The following MATR3 variants were observed in gnomAD, a reference collection of about 807,000 sequenced individuals.
MATR3 encodes matrin 3, also known as matrin-3.
In MATR3, 4 loss-of-function variants were observed where a neutral mutation model predicts 85.5. The ratio of observed to expected loss-of-function variants is 0.05; its 90% CI spans 0.02 to 0.11. The LOEUF (loss-of-function observed/expected upper bound fraction) is 0.11. Ranked by LOEUF, MATR3 falls within the 10% of genes least tolerant of loss-of-function variation. The pLI is 1.00. For synonymous variants in MATR3, 336 were observed against 343.1 expected (o/e 0.98, Z 0.23); for missense variants, 685 against 1,016.1 (o/e 0.67, Z 4.43).
intron 2 of MATR3, 80 bp downstream of exon 2, chr5:139,308,407 A>C: frequency 6.6e-7 from 1 of 1,517,110 alleles, no homozygotes; most frequent in Non-Finnish European, 9.1e-7. Flanking sequence ...CTAATTCTGT[A>C]GTCTGATGAC....
In MATR3 at chr5:139,330,217, A is replaced by G. The variant is rs1347016491; in HGVS notation, c.*822A>G. On this transcript the variant is annotated 3_prime_UTR_variant, in exon 15 of 15. Coordinates refer to ENST00000394805, the MANE Select transcript of MATR3 (RefSeq NM_018834.6). ...TCAAGATGTAATTTTACATTTCTGC[A>G]TTTTTAAAACAGTTTGGCCATAATC... 2.2e-6 allele frequency: 1 copy of G among 454,356 alleles called. No individual in the cohort carries two copies. The highest frequency in any genetic ancestry group is 4.4e-6 in the Non-Finnish European group (1 of 226,658). The allele number at this position is 454,356 out of a possible 1,614,324, so 28.1% of individuals were successfully genotyped here.
At chr5:139,323,743 A>G (rs1755699096) in intron 12 of MATR3, among the ~76,000 whole-genome samples, 1 of 152,076 alleles carries the variant, frequency 6.6e-6, no homozygotes, top group African/African-American at 2.4e-5. Flanking sequence ...AAAATATGAA[A>G]ATTAGCCGGG....
chr5:139,309,616 GTTTA>G (rs2151964992), intron 2 of MATR3, among the ~76,000 whole-genome samples: 1 of 151,930 alleles, frequency 6.6e-6, no homozygotes, highest in East Asian at 1.9e-4. Flanking sequence ...CTAAATTTAG[GTTTA>G]TTTAAACATT....
intron 2 of MATR3, chr5:139,276,403 A>G (rs976173980): frequency 5.8e-6 from 2 of 346,370 alleles, no homozygotes; most frequent in South Asian, 4.4e-5. Flanking sequence ...GGCCATACAT[A>G]AAATATAGTA....
intron 1 of MATR3, chr5:139,276,072 G>C (rs1487818665): frequency 1.1e-5 from 5 of 456,758 alleles, no homozygotes; most frequent in Admixed American, 9.4e-5. Flanking sequence ...ACTCTGAGCT[G>C]CACACGTGTT....
intron 14 of MATR3, among the ~76,000 whole-genome samples, chr5:139,327,593 G>A (rs1755923580): frequency 6.6e-6 from 1 of 151,782 alleles, no homozygotes; most frequent in Non-Finnish European, 1.5e-5. Flanking sequence ...AGCTAATTTT[G>A]TATTTTTAGT....
intron 13 of MATR3, 47 bp downstream of exon 13, chr5:139,325,709 C>G: frequency 6.6e-7 from 1 of 1,503,894 alleles, no homozygotes; most frequent in Non-Finnish European, 9.3e-7. Flanking sequence ...CTCCTCAAAA[C>G]AAACTCTTAG....
chr5:139,278,656 T>G (rs1753391162), intron 2 of MATR3: 2 of 380,112 alleles, frequency 5.3e-6, no homozygotes, highest in Non-Finnish European at 1.1e-5. Context: ...GTTAAAGGGT[T>G]TGACAACAGG....
intron 7 of MATR3, 23 bp downstream of exon 7, chr5:139,317,744 TATTC>T: frequency 1.3e-6 from 2 of 1,520,820 alleles, no homozygotes; most frequent in Non-Finnish European, 1.8e-6. Context: ...ATATTGGTAT[TATTC>T]ATTTATTCAT....
chr5:139,331,259 C>G lies in MATR3; in HGVS notation c.*1864C>G, dbSNP rs1343868666. On this transcript the variant is annotated 3_prime_UTR_variant, in exon 15 of 15. Coordinates refer to ENST00000394805, the MANE Select transcript of MATR3 (RefSeq NM_018834.6). The stretch of plus-strand genomic sequence containing the variant: ...TTTTAATGTGACATGCACAAAAAAT[C>G]CTTGCCAGTTTACTTCTGCAATTTA... The G allele has an allele frequency of 2.2e-6, 1 of 454,090 alleles. No homozygotes were observed. Among genetic ancestry groups the G allele is most frequent in the South Asian group, 1.6e-5 (1 of 64,476 alleles). 28.1% of individuals were successfully genotyped at this position (454,090 alleles called of 1,614,324 possible).
Position 139,330,799 on chromosome 5 carries a change from A to T in MATR3, c.*1404A>T, listed in dbSNP as rs780629465. The stretch of plus-strand genomic sequence containing the variant: ...TATATTGGATTATCTGTTGTAAACA[A>T]TTTTTTTTTCTTCCCTGACACAGGG... On this transcript the variant is annotated 3_prime_UTR_variant, in exon 15 of 15. Transcript: ENST00000394805. 8.8e-6 allele frequency: 4 copies of T among 453,258 alleles called. No individual in the cohort carries two copies. The East Asian group carries it at 2.1e-4, about 24-fold the overall frequency. The allele number at this position is 453,258 out of a possible 1,614,324, so 28.1% of individuals were successfully genotyped here. A position where few individuals can be genotyped will look rare whatever the true frequency, so the allele number is the denominator to read the frequency against.
chr5:139,324,455 T>C (rs935670776), intron 12 of MATR3, among the ~76,000 whole-genome samples: 2 of 152,032 alleles, frequency 1.3e-5, no homozygotes, highest in Non-Finnish European at 2.9e-5. Flanking sequence ...CACACGAGGC[T>C]AATTCTTGTA....
At chr5:139,277,136 ATTTT>A (rs397966801) in intron 2 of MATR3, among the ~76,000 whole-genome samples, 14 of 145,932 alleles carry the variant, frequency 9.6e-5, no homozygotes, top group Non-Finnish European at 1.8e-4. Flanking sequence ...CAACCAGATA[ATTTT>A]TTTTTTTTTA....
At chr5:139,325,180 A>G (rs1439141348) in intron 12 of MATR3, 20 of 1,402,384 alleles carry the variant, frequency 1.4e-5, no homozygotes, top group East Asian at 1.2e-4. Context: ...TCGACAGAGC[A>G]AGACTCCGTC....
chr5:139,321,065 T>C (rs1200054006), intron 9 of MATR3, among the ~76,000 whole-genome samples: 1 of 151,578 alleles, frequency 6.6e-6, no homozygotes, highest in Non-Finnish European at 1.5e-5. Flanking sequence ...AGCTTATTAC[T>C]TTTTTGCAGA....
chr5:139,291,458 G>A (rs1243669660), upstream of MATR3, among the ~76,000 whole-genome samples: 3 of 152,186 alleles, frequency 2.0e-5, no homozygotes, highest in East Asian at 1.9e-4. Flanking sequence ...GACTAAATTA[G>A]ATTGAGATAA....
upstream of MATR3, among the ~76,000 whole-genome samples, chr5:139,290,417 G>A (rs903421211): frequency 1.4e-5 from 2 of 139,274 alleles, no homozygotes; most frequent in East Asian, 4.9e-4. Flanking sequence ...TTACAGGCAT[G>A]AGCCACTGCG....
At chr5:139,276,442 A>T (rs1266719006) in intron 2 of MATR3, 16 of 307,520 alleles carry the variant, frequency 5.2e-5, no homozygotes, top group Non-Finnish European at 9.7e-5. Flanking sequence ...AGCTAAATTT[A>T]AAAAAAAATT....
chr5:139,282,076 G>A, intron 3 of MATR3, among the ~76,000 whole-genome samples: 1 of 152,174 alleles, frequency 6.6e-6, no homozygotes, highest in East Asian at 1.9e-4. Flanking sequence ...GACACAAAGA[G>A]GTGGCTAAGT....
Sources: allele counts gnomAD v4.1 joint callset (sites outside exome capture counted in the v4.1 genomes callset), GRCh38; gene constraint gnomAD v4.1.1; transcripts MANE v1.5; gene names NCBI Gene and HGNC (gene_info 2026-07-23, HGNC 2026-07-21).